PTPRN2: variants seen among roughly 807,000 people sequenced by gnomAD.
The protein encoded by PTPRN2 is receptor-type tyrosine-protein phosphatase N2.
PTPRN2 carries 74 observed loss-of-function variants against 118.8 expected under a neutral mutation model. That is an observed-to-expected ratio of 0.62 (90% CI 0.52 to 0.76). The LOEUF is 0.76. Among genes scored for constraint, PTPRN2 ranks in the 30% least tolerant of loss-of-function variants. PTPRN2 has a pLI of 0.00. For synonymous variants in PTPRN2, 641 were observed against 608.0 expected (o/e 1.05, Z -0.80); for missense variants, 1,481 against 1,394.4 (o/e 1.06, Z -0.99).
chr7:158,139,713 A>C (rs1291848210), intron 6 of PTPRN2, among the ~76,000 whole-genome samples: 1 of 152,154 alleles, frequency 6.6e-6, no homozygotes, highest in Non-Finnish European at 1.5e-5. Context: ...CACGCTCCAC[A>C]CATGAGAATG....
intron 11 of PTPRN2, among the ~76,000 whole-genome samples, chr7:157,952,746 G>T (rs956632910): frequency 6.6e-6 from 1 of 152,098 alleles, no homozygotes; most frequent in Non-Finnish European, 1.5e-5. Context: ...GTGTGCACAG[G>T]CCTGCCTGCC....
chr7:158,163,761 G>A (rs1337577772), intron 6 of PTPRN2, among the ~76,000 whole-genome samples: 3 of 150,220 alleles, frequency 2.0e-5, no homozygotes, highest in Admixed American at 6.6e-5. Flanking sequence ...CATAGGTGAC[G>A]CCTGTACGGG....
intron 5 of PTPRN2, among the ~76,000 whole-genome samples, chr7:158,174,408 C>T (rs11980842): frequency 6.6e-6 from 1 of 152,112 alleles, no homozygotes; most frequent in Non-Finnish European, 1.5e-5. Flanking sequence ...TCCACAGCAG[C>T]ATCCCCACCA....
At chr7:158,110,748 G>A (rs1816165792) in intron 10 of PTPRN2, 81 bp downstream of exon 10, 2 of 1,295,266 alleles carry the variant, frequency 1.5e-6, no homozygotes, top group African/African-American at 3.0e-5. Context: ...AGAGCCATGG[G>A]CTCGCAGCTC....
chr7:157,822,713 A>C (rs914840777), intron 12 of PTPRN2, among the ~76,000 whole-genome samples: 1 of 151,610 alleles, frequency 6.6e-6, no homozygotes. Context: ...TCTTCTATCC[A>C]CCCATCCACT....
At chr7:157,991,555 G>A (rs538931368) in intron 11 of PTPRN2, among the ~76,000 whole-genome samples, 4 of 152,334 alleles carry the variant, frequency 2.6e-5, no homozygotes, top group African/African-American at 9.6e-5. Context: ...TTTCCCTCTG[G>A]CTGAGGGAGG....
chr7:158,122,458 C>T (rs1391474719), intron 9 of PTPRN2, among the ~76,000 whole-genome samples: 1 of 152,172 alleles, frequency 6.6e-6, no homozygotes, highest in Admixed American at 6.5e-5. Context: ...GTGGCATCCA[C>T]ATCACCCCGA....
In PTPRN2 at chr7:158,093,821, GAA is replaced by G. The variant is rs1814409374; in HGVS notation, c.1644-12446_1644-12445del. 6.6e-6 allele frequency among the ~76,000 whole-genome samples: 1 copy of G among 151,550 alleles called. No individual in the cohort carries two copies. Among genetic ancestry groups the G allele is most frequent in the African/African-American group, 2.4e-5 (1 of 40,830 alleles). On this transcript the variant is annotated intron_variant, in intron 10 of 22. Transcript: ENST00000389418. The surrounding 1 kb of genome is among the most constrained non-coding windows in gnomAD (Gnocchi z 4.4). ...AGCCTAAGAGCTTACAAAGGAGGAAGAAGAGAGAACCAATTCTTATTTGAATG... is the reference window on the plus strand; with the variant it reads ...AGCCTAAGAGCTTACAAAGGAGGAAGGAGAGAACCAATTCTTATTTGAATG...
At chr7:157,950,409 G>A (rs985825685) in intron 11 of PTPRN2, among the ~76,000 whole-genome samples, 1 of 150,482 alleles carries the variant, frequency 6.6e-6, no homozygotes, top group Admixed American at 6.6e-5. Flanking sequence ...TGGGTGGGTC[G>A]AATGCTCACT....
chr7:158,346,019 G>A (rs1807485218), intron 2 of PTPRN2, among the ~76,000 whole-genome samples: 1 of 152,194 alleles, frequency 6.6e-6, no homozygotes, highest in Non-Finnish European at 1.5e-5. Flanking sequence ...TACAACTCAA[G>A]GTGAGATGTG....
chr7:157,968,532 T>A (rs1802098480), intron 11 of PTPRN2, among the ~76,000 whole-genome samples: 1 of 152,198 alleles, frequency 6.6e-6, no homozygotes, highest in Non-Finnish European at 1.5e-5. Context: ...CCTTCTGTTT[T>A]TCCAGGGGAT....
chr7:157,844,540 A>C (rs1808661608), intron 12 of PTPRN2, among the ~76,000 whole-genome samples: 1 of 152,178 alleles, frequency 6.6e-6, no homozygotes, highest in South Asian at 2.1e-4. Flanking sequence ...TGAGGCTGAC[A>C]CGGGGACAGG....
intron 8 of PTPRN2, among the ~76,000 whole-genome samples, chr7:158,134,324 A>G (rs1444371451): frequency 6.6e-6 from 1 of 152,094 alleles, no homozygotes; most frequent in Non-Finnish European, 1.5e-5. Flanking sequence ...GCTCACACAC[A>G]CACCTCTCTG....
intron 1 of PTPRN2, among the ~76,000 whole-genome samples, chr7:158,576,246 C>G (rs575321999): frequency 6.6e-6 from 1 of 152,212 alleles, no homozygotes; most frequent in South Asian, 2.1e-4. Context: ...GCTGCCTGCA[C>G]AGCAACCCTG....
intron 1 of PTPRN2, among the ~76,000 whole-genome samples, chr7:158,583,189 C>A (rs973556770): frequency 1.3e-5 from 2 of 152,156 alleles, no homozygotes; most frequent in African/African-American, 4.8e-5. Flanking sequence ...ACAAAACAAA[C>A]CCAGAATGCA....
At chr7:157,836,332 G>C (rs1807930417) in intron 12 of PTPRN2, among the ~76,000 whole-genome samples, 2 of 152,226 alleles carry the variant, frequency 1.3e-5, no homozygotes. Context: ...AAGAGGAATT[G>C]AGGTATTTAG....
intron 2 of PTPRN2, among the ~76,000 whole-genome samples, chr7:158,357,832 G>A (rs1563196108): frequency 6.6e-6 from 1 of 152,204 alleles, no homozygotes; most frequent in Non-Finnish European, 1.5e-5. Flanking sequence ...GACAGTGGCG[G>A]CTCTCAGAAC....
At chr7:157,898,610 G>A in intron 12 of PTPRN2, 63 bp downstream of exon 12, 1 of 1,474,520 alleles carries the variant, frequency 6.8e-7, no homozygotes. Context: ...TTCTCACGGT[G>A]TTCGCCAGCA....
At position 157,967,168 on chromosome 7, in the gene PTPRN2, T is replaced by A. The variant is rs567054311; in HGVS notation, c.1724-68431A>T. Among the ~76,000 whole-genome samples, 666 of 152,222 alleles carry A rather than the reference T, an allele frequency of 4.4e-3. 7 individuals are homozygous for A. The highest frequency in any genetic ancestry group is 0.017 in the South Asian group (82 of 4,824). ...GATCCTATCTCTATTAAATTTTTTT[T>A]AAAAATTAGCCAGATGTGGTGGCTC... On this transcript the variant is annotated intron_variant, in intron 11 of 22. Coordinates refer to ENST00000389418, the MANE Select transcript of PTPRN2 (RefSeq NM_002847.5).
Sources: allele counts gnomAD v4.1 joint callset (sites outside exome capture counted in the v4.1 genomes callset), GRCh38; gene constraint gnomAD v4.1.1; non-coding constraint Gnocchi (gnomAD v3.1); transcripts MANE v1.5; gene names NCBI Gene and HGNC (gene_info 2026-07-23, HGNC 2026-07-21).